The following KIF6 variants were observed in gnomAD, a reference collection of about 807,000 sequenced individuals.
The protein encoded by KIF6 is kinesin family member 6, also known as kinesin-like protein KIF6.
A neutral mutation model predicts 112.7 loss-of-function variants in KIF6; 106 were observed. That is an observed-to-expected ratio of 0.94 (90% CI 0.80 to 1.11). The LOEUF (loss-of-function observed/expected upper bound fraction) is 1.11. KIF6 is among the 50% of genes least tolerant of loss of function. The pLI, the probability that KIF6 is intolerant of heterozygous loss-of-function variation, is 0.00. For synonymous variants in KIF6, 339 were observed against 339.9 expected (o/e 1.00, Z 0.03); for missense variants, 929 against 964.0 (o/e 0.96, Z 0.48).
At chr6:39,578,762 T>A (rs565741256) in intron 9 of KIF6, among the ~76,000 whole-genome samples, 37 of 152,340 alleles carry the variant, frequency 2.4e-4, no homozygotes, top group African/African-American at 8.2e-4. Flanking sequence ...TGTGTTTTCA[T>A]ACATTTACTC....
At chr6:39,723,369 G>A (rs1440541496) in intron 1 of KIF6, among the ~76,000 whole-genome samples, 1 of 152,124 alleles carries the variant, frequency 6.6e-6, no homozygotes, top group Non-Finnish European at 1.5e-5. Flanking sequence ...AATTGCCCTT[G>A]CCTAAATTGT....
intron 14 of KIF6, among the ~76,000 whole-genome samples, chr6:39,425,081 T>C (rs1770665930): frequency 6.6e-6 from 1 of 152,124 alleles, no homozygotes; most frequent in Non-Finnish European, 1.5e-5. Flanking sequence ...TCATGGGCAG[T>C]GGCTGCTTTT....
intron 15 of KIF6, among the ~76,000 whole-genome samples, chr6:39,417,241 T>C (rs1184687745): frequency 1.3e-5 from 2 of 152,068 alleles, no homozygotes; most frequent in Non-Finnish European, 2.9e-5. Flanking sequence ...TCAAGCACCG[T>C]GAGGGGGTAT....
intron 1 of KIF6, among the ~76,000 whole-genome samples, chr6:39,723,742 C>T (rs567214307): frequency 1.3e-5 from 2 of 152,106 alleles, no homozygotes; most frequent in South Asian, 2.1e-4. Context: ...TGGGGCCTGT[C>T]GTGGGGTGGG....
At chr6:39,690,946 G>C (rs1364209946) in intron 3 of KIF6, 5 of 152,090 alleles carry the variant, frequency 3.3e-5, no homozygotes, top group Admixed American at 2.6e-4. Context: ...CAGGCATAAG[G>C]GTTTTACATA....
chr6:39,353,874 C>A, intron 19 of KIF6: 1 of 535,800 alleles, frequency 1.9e-6, no homozygotes, highest in Non-Finnish European at 3.4e-6. Flanking sequence ...GGGCACTATG[C>A]TGTGTGCCAG....
intron 15 of KIF6, among the ~76,000 whole-genome samples, chr6:39,398,474 A>T (rs1768436436): frequency 6.6e-6 from 1 of 152,256 alleles, no homozygotes; most frequent in South Asian, 2.1e-4. Context: ...TTCCAGAATA[A>T]GGAGCAGCCT....
intron 13 of KIF6, among the ~76,000 whole-genome samples, chr6:39,471,813 T>C (rs894200891): frequency 2.0e-5 from 3 of 152,216 alleles, no homozygotes; most frequent in Non-Finnish European, 4.4e-5. Context: ...AGAGATGATA[T>C]AGCATGACCT....
chr6:39,425,224 G>A (rs895250208), intron 14 of KIF6, among the ~76,000 whole-genome samples: 1 of 152,188 alleles, frequency 6.6e-6, no homozygotes, highest in African/African-American at 2.4e-5. Context: ...GTGTTTGAGG[G>A]CAAAGGGTTC....
intron 3 of KIF6, among the ~76,000 whole-genome samples, chr6:39,685,607 C>A (rs1211777104): frequency 6.6e-6 from 1 of 152,228 alleles, no homozygotes; most frequent in Non-Finnish European, 1.5e-5. Flanking sequence ...TGAGTTCAAT[C>A]ATTTCAGTTA....
chr6:39,499,325 C>T (rs1020607559), intron 13 of KIF6, among the ~76,000 whole-genome samples: 1 of 151,134 alleles, frequency 6.6e-6, no homozygotes, highest in Non-Finnish European at 1.5e-5. Context: ...GAGCAGTTGG[C>T]CAGATTTTTT....
At chr6:39,570,671 C>T (rs1157803406) in intron 10 of KIF6, among the ~76,000 whole-genome samples, 1 of 152,104 alleles carries the variant, frequency 6.6e-6, no homozygotes, top group African/African-American at 2.4e-5. Context: ...TACCCCCATG[C>T]TGTTCTCTTG....
intron 17 of KIF6, 67 bp from the exon 18 acceptor site, chr6:39,360,597 T>C (rs1157608082): frequency 6.3e-7 from 1 of 1,582,270 alleles, no homozygotes; most frequent in Non-Finnish European, 8.7e-7. Context: ...TGCAGGGCTG[T>C]AAATGAATGG....
intron 13 of KIF6, among the ~76,000 whole-genome samples, chr6:39,527,278 G>A (rs1324358710): frequency 6.6e-6 from 1 of 152,174 alleles, no homozygotes; most frequent in Non-Finnish European, 1.5e-5. Flanking sequence ...GAGAAGCAGA[G>A]CCTTCCTTTA....
chr6:39,352,686 C>T (rs1414368403), intron 19 of KIF6, among the ~76,000 whole-genome samples: 1 of 151,624 alleles, frequency 6.6e-6, no homozygotes, highest in African/African-American at 2.4e-5. Context: ...TCACTGCAAC[C>T]TCTGCCTCCT....
intron 15 of KIF6, among the ~76,000 whole-genome samples, chr6:39,406,407 A>G (rs1196714763): frequency 6.6e-6 from 1 of 151,956 alleles, no homozygotes; most frequent in Non-Finnish European, 1.5e-5. Context: ...TTTTCAAAGA[A>G]CCAGTTTCGG....
At chr6:39,694,550 A>C (rs1009559652) in intron 3 of KIF6, among the ~76,000 whole-genome samples, 2 of 152,156 alleles carry the variant, frequency 1.3e-5, no homozygotes, top group Non-Finnish European at 2.9e-5. Flanking sequence ...CCAAATCAAG[A>C]ATGCAATCCC....
chr6:39,371,513 T>C (rs891170013), intron 16 of KIF6, among the ~76,000 whole-genome samples: 3 of 152,166 alleles, frequency 2.0e-5, no homozygotes, highest in Non-Finnish European at 4.4e-5. Flanking sequence ...TCACAGCTCG[T>C]ATCAGATGGC....
At chr6:39,613,122 C>A in intron 6 of KIF6, 67 bp downstream of exon 6, 3 of 1,155,156 alleles carry the variant, frequency 2.6e-6, no homozygotes, top group East Asian at 2.9e-5. Context: ...TTTTTTTTTT[C>A]TGCCTTGGCT....
Sources: allele counts gnomAD v4.1 joint callset (sites outside exome capture counted in the v4.1 genomes callset), GRCh38; gene constraint gnomAD v4.1.1; transcripts MANE v1.5; gene names NCBI Gene and HGNC (gene_info 2026-07-23, HGNC 2026-07-21).